Variants in HYCC2 observed in about 807,000 individuals in gnomAD.
HYCC2 encodes the protein hyccin 2.
At chr2:201,008,542 G>A in the HYCC2 span, among the ~76,000 whole-genome samples, 1 of 151,984 alleles carries the variant, frequency 6.6e-6, no homozygotes, top group Non-Finnish European at 1.5e-5. Flanking sequence ...GGAGGATCAC[G>A]TTGAGGCCAG....
At chr2:201,070,816 C>A in the HYCC2 span, among the ~76,000 whole-genome samples, 1 of 152,100 alleles carries the variant, frequency 6.6e-6, no homozygotes, top group African/African-American at 2.4e-5. Context: ...TTAAAGGATT[C>A]CCCACTTTTC....
chr2:200,998,264 C>T, the HYCC2 span, among the ~76,000 whole-genome samples: 1 of 152,196 alleles, frequency 6.6e-6, no homozygotes, highest in African/African-American at 2.4e-5. Flanking sequence ...TCTTACCATT[C>T]CAACAATATG....
chr2:201,042,614 G>A, the HYCC2 span, among the ~76,000 whole-genome samples: 2 of 151,236 alleles, frequency 1.3e-5, no homozygotes, highest in African/African-American at 4.9e-5. Context: ...CAGCCGCCCC[G>A]TCTGGGGGAG....
At chr2:200,981,929 GA>G in the HYCC2 span, 1 of 1,529,870 alleles carries the variant, frequency 6.5e-7, no homozygotes, top group Non-Finnish European at 8.8e-7. This position sits in a 1 kb window ranked among gnomAD's most constrained non-coding sequence, Gnocchi z 4.5. Flanking sequence ...AAGCAGCTGT[GA>G]ATAACAACAC....
At chr2:200,992,233 T>C in the HYCC2 span, 1 of 1,148,298 alleles carries the variant, frequency 8.7e-7, no homozygotes, top group South Asian at 1.3e-5. Context: ...ACCTAGTACC[T>C]TTTTTAGGTA....
the HYCC2 span, among the ~76,000 whole-genome samples, chr2:201,013,747 C>A: frequency 1.3e-5 from 2 of 152,080 alleles, no homozygotes; most frequent in Admixed American, 1.3e-4. Flanking sequence ...GATGAATGGG[C>A]CTGATTTAAG....
the HYCC2 span, among the ~76,000 whole-genome samples, chr2:201,068,329 T>C: frequency 2.0e-5 from 3 of 151,724 alleles, no homozygotes; most frequent in Non-Finnish European, 4.4e-5. Context: ...TGACATGAAA[T>C]GGTGACAATT....
the HYCC2 span, chr2:201,022,170 T>C: frequency 1.6e-4 from 164 of 1,033,874 alleles, no homozygotes; most frequent in Middle Eastern, 2.4e-3. Context: ...ATTTTAAGCA[T>C]ACATGAATCC....
the HYCC2 span, among the ~76,000 whole-genome samples, chr2:201,032,088 G>A: frequency 6.6e-6 from 1 of 152,172 alleles, no homozygotes; most frequent in East Asian, 1.9e-4. Flanking sequence ...AGCCTCCCGA[G>A]TATCTGGGAT....
the HYCC2 span, chr2:200,977,306 T>C: frequency 6.6e-6 from 1 of 152,148 alleles, no homozygotes; most frequent in East Asian, 1.9e-4. Flanking sequence ...TGATTCTGGC[T>C]CTGCTTTAGG....
the HYCC2 span, among the ~76,000 whole-genome samples, chr2:201,049,235 G>A: frequency 6.6e-6 from 1 of 152,080 alleles, no homozygotes; most frequent in Non-Finnish European, 1.5e-5. Flanking sequence ...TCAGCAAATT[G>A]ACAGAAAAAG....
the HYCC2 span, among the ~76,000 whole-genome samples, chr2:201,033,277 G>C: frequency 6.6e-6 from 1 of 151,264 alleles, no homozygotes; most frequent in South Asian, 2.1e-4. Context: ...GCTCACTGCA[G>C]CCTCACAGCC....
chr2:200,985,919 T>G, the HYCC2 span, among the ~76,000 whole-genome samples: 7 of 152,204 alleles, frequency 4.6e-5, no homozygotes, highest in Admixed American at 3.9e-4. Flanking sequence ...TTCTGGAATT[T>G]CAGCAACTGT....
At chr2:201,040,777 G>T in the HYCC2 span, among the ~76,000 whole-genome samples, 3 of 152,166 alleles carry the variant, frequency 2.0e-5, no homozygotes, top group Non-Finnish European at 2.9e-5. Flanking sequence ...GAGCCACTGT[G>T]CCCAGCCTCA....
chr2:201,023,459 A>G, the HYCC2 span, among the ~76,000 whole-genome samples: 1 of 152,198 alleles, frequency 6.6e-6, no homozygotes, highest in Non-Finnish European at 1.5e-5. Context: ...GAAATCACAC[A>G]TTATACCAAC....
chr2:201,047,707 G>GA, the HYCC2 span, among the ~76,000 whole-genome samples: 23 of 142,392 alleles, frequency 1.6e-4, no homozygotes, highest in East Asian at 4.0e-4. Context: ...GCAGCCATAG[G>GA]AAAAAAAAAA....
At chr2:201,007,211 G>A in the HYCC2 span, among the ~76,000 whole-genome samples, 2 of 152,154 alleles carry the variant, frequency 1.3e-5, no homozygotes, top group Non-Finnish European at 2.9e-5. Context: ...CTCGACCTAT[G>A]ATGGAATTGC....
At chr2:201,022,386 T>C in the HYCC2 span, 39 of 281,330 alleles carry the variant, frequency 1.4e-4, no homozygotes, top group South Asian at 1.3e-3. Context: ...CTAAATTTAC[T>C]AGCAGCATCA....
the HYCC2 span, among the ~76,000 whole-genome samples, chr2:201,034,782 G>A: frequency 1.3e-5 from 2 of 152,208 alleles, no homozygotes; most frequent in Admixed American, 6.5e-5. Context: ...TCCTTCAGGA[G>A]CTCTTTTAGG....
Sources: allele counts gnomAD v4.1 joint callset (sites outside exome capture counted in the v4.1 genomes callset), GRCh38; gene constraint gnomAD v4.1.1; non-coding constraint Gnocchi (gnomAD v3.1); transcripts MANE v1.5; gene names NCBI Gene and HGNC (gene_info 2026-07-23, HGNC 2026-07-21).